AKAP8L: variants seen among roughly 807,000 people sequenced by gnomAD.
The protein encoded by AKAP8L is A-kinase anchoring protein 8 like.
Under a neutral mutation model 77.5 loss-of-function variants are expected in AKAP8L, and 34 were observed. The observed-to-expected ratio is 0.44, with a 90% CI of 0.33 to 0.58. The LOEUF is 0.58. Ranked by LOEUF, AKAP8L falls within the 20% of genes least tolerant of loss-of-function variation. The probability of loss-of-function intolerance (pLI) is 0.02; values close to 1 mark genes in which losing one functional copy is unlikely to be tolerated. For synonymous variants in AKAP8L, 342 were observed against 340.7 expected, an observed-to-expected ratio of 1.00 and a Z score of -0.04; for missense variants, 806 against 887.6, an observed-to-expected ratio of 0.91 and a Z score of 1.17.
At chr19:15,395,791 T>C (rs916907200) in intron 12 of AKAP8L, among the ~76,000 whole-genome samples, 2 of 143,664 alleles carry the variant, frequency 1.4e-5, no homozygotes, top group South Asian at 2.2e-4. Context: ...GAGACCATCC[T>C]GGCTAACACG....
intron 2 of AKAP8L, 48 bp downstream of exon 2, chr19:15,410,472 G>T: frequency 6.7e-7 from 1 of 1,492,612 alleles, no homozygotes; most frequent in South Asian, 1.2e-5. Flanking sequence ...AGAAGACAAG[G>T]AACTGCTCTG....
chr19:15,404,514 G>T (rs962198094), intron 2 of AKAP8L, among the ~76,000 whole-genome samples: 1 of 152,206 alleles, frequency 6.6e-6, no homozygotes, highest in African/African-American at 2.4e-5. Flanking sequence ...AAAAGCTGTG[G>T]AGAGAACAAT....
intron 1 of AKAP8L, among the ~76,000 whole-genome samples, chr19:15,412,583 C>A (rs1968125816): frequency 6.6e-6 from 1 of 152,158 alleles, no homozygotes; most frequent in South Asian, 2.1e-4. Flanking sequence ...GAGTCTCGCA[C>A]TAGGTTGGAG....
In AKAP8L at chr19:15,399,496, C is replaced by T. The variant is rs1967846461; in HGVS notation, c.1049-86G>A. 6.2e-6 allele frequency: 6 copies of T among 964,756 alleles called. No individual in the cohort carries two copies. The highest frequency in any genetic ancestry group is 1.0e-5 in the Non-Finnish European group (6 of 597,344). 59.8% of individuals were successfully genotyped at this position (964,756 alleles called of 1,614,324 possible). A position where few individuals can be genotyped will look rare whatever the true frequency, so the allele number is the denominator to read the frequency against. Reference sequence around the variant, plus strand: ...GGCCTCTGGCTGAATCACCCACTGTCCACTCCAGAGGGTCCATCGAGAATA... The same window carrying T: ...GGCCTCTGGCTGAATCACCCACTGTTCACTCCAGAGGGTCCATCGAGAATA... On this transcript the variant is annotated intron_variant, in intron 8 of 13. Transcript: ENST00000397410. The surrounding 1 kb of genome is among the most constrained non-coding windows in gnomAD (Gnocchi z 6.1).
intron 4 of AKAP8L, among the ~76,000 whole-genome samples, chr19:15,402,706 G>T (rs560040327): frequency 7.9e-5 from 12 of 152,326 alleles, no homozygotes; most frequent in African/African-American, 2.9e-4. Context: ...TCACTCATCT[G>T]TTAGCTGGTG....
chr19:15,390,506 T>C (rs560116098), intron 12 of AKAP8L, among the ~76,000 whole-genome samples: 92 of 151,604 alleles, frequency 6.1e-4, no homozygotes, highest in African/African-American at 2.1e-3. Flanking sequence ...GAAGAATTAA[T>C]ACTAGTATAT....
chr19:15,416,592 T>G (rs1968211962), intron 1 of AKAP8L, among the ~76,000 whole-genome samples: 1 of 152,200 alleles, frequency 6.6e-6, no homozygotes. Context: ...AAATGTAACC[T>G]CATGATATTC....
intron 12 of AKAP8L, among the ~76,000 whole-genome samples, chr19:15,393,384 GA>G (rs1967704137): frequency 6.6e-6 from 1 of 152,090 alleles, no homozygotes; most frequent in Non-Finnish European, 1.5e-5. Context: ...TCAAGAAGGT[GA>G]AAAAACCCAC....
chr19:15,417,476 C>T (rs1968228009), intron 1 of AKAP8L, among the ~76,000 whole-genome samples: 1 of 152,138 alleles, frequency 6.6e-6, no homozygotes, highest in Non-Finnish European at 1.5e-5. Context: ...AAACCTCCAT[C>T]CACTAGATAC....
chr19:15,388,810 G>A (rs752323932), intron 12 of AKAP8L, among the ~76,000 whole-genome samples: 3 of 151,972 alleles, frequency 2.0e-5, no homozygotes, highest in Middle Eastern at 3.2e-3. Context: ...CAGCTACTCC[G>A]GAGGCTGAGG....
At chr19:15,389,963 G>A (rs1442119330) in intron 12 of AKAP8L, among the ~76,000 whole-genome samples, 1 of 151,608 alleles carries the variant, frequency 6.6e-6, no homozygotes, top group African/African-American at 2.4e-5. Flanking sequence ...GCTCATGCCT[G>A]TAGTGGCAAG....
At chr19:15,388,325 GA>G (rs1229783279) in intron 12 of AKAP8L, among the ~76,000 whole-genome samples, 2 of 131,282 alleles carry the variant, frequency 1.5e-5, no homozygotes, top group African/African-American at 6.0e-5. Flanking sequence ...AGTTAACAGT[GA>G]AAAATTATGA....
At position 15,399,212 on chromosome 19, in the gene AKAP8L, G is replaced by C. The variant is rs1447019958; in HGVS notation, c.1157+90C>G. On this transcript the variant is annotated intron_variant, in intron 9 of 13. Transcript: ENST00000397410. The surrounding 1 kb of genome is among the most constrained non-coding windows in gnomAD (Gnocchi z 6.1). ...GTGGCGGCTCCCAAGGGAGGCCAGAGGGCGGCGAGCTGGCAGAGCTATGGC... is the reference window on the plus strand; with the variant it reads ...GTGGCGGCTCCCAAGGGAGGCCAGACGGCGGCGAGCTGGCAGAGCTATGGC... 5.8e-6 allele frequency: 7 copies of C among 1,211,830 alleles called. No individual in the cohort carries two copies. Among genetic ancestry groups the C allele is most frequent in the Middle Eastern group, 1.9e-4 (1 of 5,234 alleles). 75.1% of individuals were successfully genotyped at this position (1,211,830 alleles called of 1,614,324 possible). A position where few individuals can be genotyped will look rare whatever the true frequency, so the allele number is the denominator to read the frequency against.
At chr19:15,417,283 T>C (rs1041893096) in intron 1 of AKAP8L, among the ~76,000 whole-genome samples, 1 of 152,232 alleles carries the variant, frequency 6.6e-6, no homozygotes, top group Non-Finnish European at 1.5e-5. Context: ...TTGGTAAGAC[T>C]TGGTGAGAAT....
rs555620056 is a variant in AKAP8L at position 15,389,597 on chromosome 19, C to A, written c.1536+7553G>T. On this transcript the variant is annotated intron_variant, in intron 12 of 13. Transcript: ENST00000397410. ...ACCATCCTGGCCAAGATGGTGAAAC[C>A]CCATCTCTACTAAAATACAAAAAAT... Among the ~76,000 whole-genome samples, 6 of 152,034 alleles carry A rather than the reference C, an allele frequency of 3.9e-5. No homozygotes were observed. In the South Asian group the frequency reaches 1.2e-3, roughly 32 times the overall value.
At chr19:15,407,276 G>C (rs939088657) in intron 2 of AKAP8L, among the ~76,000 whole-genome samples, 4 of 152,126 alleles carry the variant, frequency 2.6e-5, no homozygotes, top group Non-Finnish European at 5.9e-5. Flanking sequence ...AATAAAATAA[G>C]AGCAGTACCC....
Position 15,397,232 on chromosome 19 carries a change from G to A in AKAP8L, c.1454C>T (p.Ala485Val), listed in dbSNP as rs1339764690. Reference sequence around the variant, plus strand: ...CATGGGAATGAAGAGGTCGCAGGCTGCACAATGGGCTGCCTCCACCTTCTT... The same window carrying A: ...CATGGGAATGAAGAGGTCGCAGGCTACACAATGGGCTGCCTCCACCTTCTT... ...FVKKVEAAHC[A>V]ACDLFIPMQF... The change falls in exon 12 of 14, where the codon GCA becomes GTA. Residue 485 changes from alanine to valine, a missense_variant. This residue lies in a region of AKAP8L where 580 missense variants were observed against 694.1 expected (regional missense o/e 0.84). Transcript: ENST00000397410. The surrounding 1 kb of genome is among the most constrained non-coding windows in gnomAD (Gnocchi z 4.7). 6.2e-7 allele frequency: 1 copy of A among 1,614,028 alleles called. No individual in the cohort carries two copies. Among genetic ancestry groups the A allele is most frequent in the Non-Finnish European group, 8.5e-7 (1 of 1,179,896 alleles).
intron 4 of AKAP8L, among the ~76,000 whole-genome samples, chr19:15,402,994 G>A (rs2145135504): frequency 6.6e-6 from 1 of 152,256 alleles, no homozygotes; most frequent in South Asian, 2.1e-4. Context: ...ATGTTTGTAA[G>A]GCACAGGAGA....
intron 12 of AKAP8L, among the ~76,000 whole-genome samples, chr19:15,385,213 G>A (rs896415311): frequency 6.6e-5 from 10 of 151,996 alleles, no homozygotes; most frequent in Admixed American, 1.3e-4. Context: ...TCCTGACCTC[G>A]TGATCCGCCC....
Sources: gnomAD v4.1 joint callset for allele counts (sites outside exome capture counted in the v4.1 genomes callset) on GRCh38, gnomAD v4.1.1 for gene constraint, gnomAD v4.1.1 regional missense constraint, Gnocchi (gnomAD v3.1) non-coding constraint, MANE v1.5 for transcripts, NCBI Gene and HGNC (gene_info 2026-07-23, HGNC 2026-07-21) for gene names.